SLC25A26: variants seen among roughly 807,000 people sequenced by gnomAD.
SLC25A26 encodes the protein mitochondrial S-adenosylmethionine carrier protein.
A neutral mutation model predicts 37.8 loss-of-function variants in SLC25A26; 36 were observed. The observed-to-expected ratio is 0.95, with a 90% confidence interval of 0.73 to 1.26. SLC25A26 has a LOEUF of 1.26. Among genes scored for constraint, SLC25A26 ranks in the 50% most tolerant of loss-of-function variants. The probability of loss-of-function intolerance (pLI) is 0.00; values close to 1 mark genes in which losing one functional copy is unlikely to be tolerated. For synonymous variants in SLC25A26, 129 were observed against 122.5 expected (o/e 1.05, Z -0.35); for missense variants, 390 against 331.1 (o/e 1.18, Z -1.38).
chr3:66,364,186 A>G (rs2076775591), intron 7 of SLC25A26, among the ~76,000 whole-genome samples: 3 of 152,232 alleles, frequency 2.0e-5, no homozygotes, highest in Admixed American at 1.3e-4. Context: ...TGAATACCCA[A>G]TTCAAAGATT....
At chr3:66,182,153 T>C (rs141503705) in intron 1 of SLC25A26, among the ~76,000 whole-genome samples, 2,176 of 152,276 alleles carry the variant, frequency 0.014, 59 homozygotes, top group African/African-American at 0.044. Flanking sequence ...ATAATCAATA[T>C]CTTTAAATGA....
At chr3:66,311,469 C>T (rs918948296) in intron 5 of SLC25A26, among the ~76,000 whole-genome samples, 1 of 151,876 alleles carries the variant, frequency 6.6e-6, no homozygotes, top group African/African-American at 2.4e-5. Flanking sequence ...TTGTTATTAC[C>T]CACCTTCTGA....
At chr3:66,276,101 C>T (rs540630062) in intron 5 of SLC25A26, among the ~76,000 whole-genome samples, 8 of 152,098 alleles carry the variant, frequency 5.3e-5, no homozygotes, top group South Asian at 2.1e-4. Flanking sequence ...TCTGTGGGTT[C>T]GACTACCTGG....
chr3:66,372,252 A>G (rs551040213), intron 9 of SLC25A26, among the ~76,000 whole-genome samples: 10 of 152,300 alleles, frequency 6.6e-5, no homozygotes, highest in Non-Finnish European at 1.0e-4. Flanking sequence ...TTCTGTGGCA[A>G]CTGTTGGGCA....
intron 3 of SLC25A26, among the ~76,000 whole-genome samples, chr3:66,258,259 A>G (rs1220420112): frequency 6.6e-6 from 1 of 152,016 alleles, no homozygotes; most frequent in Non-Finnish European, 1.5e-5. Flanking sequence ...CTTGCCTTCA[A>G]CTCTGTTGTG....
At chr3:66,294,804 G>T (rs534400515) in intron 5 of SLC25A26, among the ~76,000 whole-genome samples, 1 of 152,182 alleles carries the variant, frequency 6.6e-6, no homozygotes, top group East Asian at 1.9e-4. Flanking sequence ...ATTACCACAC[G>T]TAATTGTTAG....
chr3:66,294,264 G>A (rs940612608), intron 5 of SLC25A26, among the ~76,000 whole-genome samples: 4 of 152,000 alleles, frequency 2.6e-5, no homozygotes, highest in African/African-American at 9.7e-5. Flanking sequence ...GGATTTCTAG[G>A]TATTTTGTTC....
chr3:66,318,127 C>T (rs145069680), intron 5 of SLC25A26, among the ~76,000 whole-genome samples: 1 of 152,286 alleles, frequency 6.6e-6, no homozygotes, highest in East Asian at 1.9e-4. Context: ...GGTCACTTGG[C>T]TCCCTGGCTT....
intron 1 of SLC25A26, among the ~76,000 whole-genome samples, chr3:66,175,026 T>A (rs147765167): frequency 0.017 from 2,471 of 149,506 alleles, 40 homozygotes; most frequent in Middle Eastern, 0.045. Context: ...GACTTTTAGA[T>A]TCCTGCTGTA....
rs1020787055 is a variant in SLC25A26 at position 66,263,442 on chromosome 3, A to G, written c.453+63A>G. On this transcript the variant is annotated intron_variant, in intron 5 of 9. Coordinates refer to ENST00000354883, the MANE Select transcript of SLC25A26 (RefSeq NM_001379210.1). ...ATGATGTCCTTTGTTCAGTAAATTT[A>G]TACTACTTAACAATTAGAAATATAT... The G allele has an allele frequency of 7.1e-6, 7 of 991,898 alleles. No individual in the cohort carries two copies. The African/African-American group carries it at 9.7e-5, about 14-fold the overall frequency. The allele number at this position is 991,898 out of a possible 1,614,324, so 61.4% of individuals were successfully genotyped here.
At chr3:66,272,426 C>T (rs1380496878) in intron 5 of SLC25A26, among the ~76,000 whole-genome samples, 1 of 151,992 alleles carries the variant, frequency 6.6e-6, no homozygotes, top group Non-Finnish European at 1.5e-5. Context: ...GCGTTAGTGC[C>T]AGGAGTTTGG....
intron 1 of SLC25A26, among the ~76,000 whole-genome samples, chr3:66,229,154 T>A (rs2071893169): frequency 6.6e-6 from 1 of 152,256 alleles, no homozygotes; most frequent in African/African-American, 2.4e-5. Context: ...CTAAAAATAG[T>A]AGTTTATTGA....
At chr3:66,370,277 A>G (rs1252744998) in intron 8 of SLC25A26, among the ~76,000 whole-genome samples, 1 of 152,166 alleles carries the variant, frequency 6.6e-6, no homozygotes, top group African/African-American at 2.4e-5. Context: ...TAAATAGTTC[A>G]TCAGTCATCT....
chr3:66,299,169 T>C (rs1576825384), intron 5 of SLC25A26, among the ~76,000 whole-genome samples: 1 of 152,218 alleles, frequency 6.6e-6, no homozygotes, highest in African/African-American at 2.4e-5. Context: ...CCCATTTCCA[T>C]GTATGTATTT....
chr3:66,290,190 C>T (rs1364345025), intron 5 of SLC25A26, among the ~76,000 whole-genome samples: 4 of 152,132 alleles, frequency 2.6e-5, no homozygotes, highest in African/African-American at 4.8e-5. Context: ...GCTGAAGTTG[C>T]TTATCAGCTT....
chr3:66,308,786 A>C (rs1002603203), intron 5 of SLC25A26, among the ~76,000 whole-genome samples: 2 of 152,186 alleles, frequency 1.3e-5, no homozygotes, highest in South Asian at 4.1e-4. Flanking sequence ...GCATCTGTTG[A>C]GATAATCATG....
intron 6 of SLC25A26, among the ~76,000 whole-genome samples, chr3:66,348,352 A>T (rs2076374884): frequency 6.6e-6 from 1 of 152,222 alleles, no homozygotes; most frequent in South Asian, 2.1e-4. Flanking sequence ...GTAAGACCTC[A>T]ATGAATGTTA....
chr3:66,232,964 G>A (rs1032179342), intron 1 of SLC25A26, among the ~76,000 whole-genome samples: 3 of 152,250 alleles, frequency 2.0e-5, no homozygotes, highest in African/African-American at 4.8e-5. Context: ...GAAGATGGTG[G>A]TTCAAGTCAT....
intron 3 of SLC25A26, 52 bp downstream of exon 3, chr3:66,243,364 A>G (rs1225373248): frequency 1.1e-5 from 9 of 845,898 alleles, no homozygotes; most frequent in Non-Finnish European, 1.8e-5. Context: ...CATCATGCAT[A>G]TATTTTCAGT....
Sources: allele counts gnomAD v4.1 joint callset (sites outside exome capture counted in the v4.1 genomes callset), GRCh38; gene constraint gnomAD v4.1.1; transcripts MANE v1.5; gene names NCBI Gene and HGNC (gene_info 2026-07-23, HGNC 2026-07-21).